Variants in DEPTOR observed in about 807,000 individuals in gnomAD.
The protein encoded by DEPTOR is DEP domain-containing mTOR-interacting protein.
A neutral mutation model predicts 41.6 loss-of-function variants in DEPTOR; 41 were observed. The observed-to-expected ratio is 0.98, with a 90% CI of 0.77 to 1.28. The LOEUF is 1.28. Among genes scored for constraint, DEPTOR ranks in the 50% most tolerant of loss-of-function variants. The probability of loss-of-function intolerance (pLI) is 0.00; values close to 1 mark genes in which losing one functional copy is unlikely to be tolerated. For synonymous variants in DEPTOR, 195 were observed against 192.3 expected (o/e 1.01, Z -0.12); for missense variants, 514 against 527.9 (o/e 0.97, Z 0.26).
At chr8:119,890,264 T>C (rs555740516) in intron 1 of DEPTOR, among the ~76,000 whole-genome samples, 168 of 142,660 alleles carry the variant, frequency 1.2e-3, no homozygotes, top group African/African-American at 4.2e-3. Flanking sequence ...AAGGTGTCCA[T>C]TGTTATATGA....
intron 5 of DEPTOR, among the ~76,000 whole-genome samples, chr8:120,001,943 G>A (rs921445799): frequency 2.0e-5 from 3 of 151,966 alleles, no homozygotes; most frequent in African/African-American, 7.3e-5. Context: ...AGTCCTCTAG[G>A]CTCTCACTCA....
intron 1 of DEPTOR, among the ~76,000 whole-genome samples, chr8:119,896,214 A>T (rs1827518311): frequency 6.6e-6 from 1 of 152,228 alleles, no homozygotes; most frequent in Admixed American, 6.5e-5. Context: ...TTATTTGAAC[A>T]GTATCATTTA....
chr8:119,915,943 G>GT (rs1439623638), intron 1 of DEPTOR, among the ~76,000 whole-genome samples: 10 of 60,980 alleles, frequency 1.6e-4, no homozygotes, highest in Non-Finnish European at 3.0e-4. Context: ...GACTTCATTT[G>GT]TTAAAAAAAA....
intron 1 of DEPTOR, among the ~76,000 whole-genome samples, chr8:119,901,574 G>A (rs994211833): frequency 6.6e-6 from 1 of 151,862 alleles, no homozygotes; most frequent in Non-Finnish European, 1.5e-5. Context: ...TACTTGGGAA[G>A]CTGAGGCAGG....
chr8:119,906,686 G>T (rs1827668209), intron 1 of DEPTOR, among the ~76,000 whole-genome samples: 1 of 152,008 alleles, frequency 6.6e-6, no homozygotes, highest in African/African-American at 2.4e-5. Context: ...TTTCCCTATT[G>T]CTGGACCATA....
intron 8 of DEPTOR, among the ~76,000 whole-genome samples, chr8:120,047,104 A>G (rs538936029): frequency 6.6e-5 from 10 of 152,008 alleles, no homozygotes; most frequent in Non-Finnish European, 1.3e-4. Context: ...GCCCACTGCA[A>G]CCTCTGCCTC....
chr8:119,960,231 A>G (rs1828472957), intron 3 of DEPTOR, among the ~76,000 whole-genome samples: 1 of 141,358 alleles, frequency 7.1e-6, no homozygotes, highest in Non-Finnish European at 1.6e-5. Flanking sequence ...CTCAAAAAAA[A>G]AAACAAAAAA....
chr8:119,885,774 A>T (rs1168177110), intron 1 of DEPTOR, among the ~76,000 whole-genome samples: 1 of 152,230 alleles, frequency 6.6e-6, no homozygotes, highest in South Asian at 2.1e-4. Context: ...TCCACCACTT[A>T]AGATTCCACA....
At chr8:119,934,414 G>A (rs935400345) in intron 3 of DEPTOR, among the ~76,000 whole-genome samples, 3 of 152,210 alleles carry the variant, frequency 2.0e-5, no homozygotes, top group Admixed American at 6.5e-5. Context: ...TGGAGGCATG[G>A]ATCGTCCTGC....
intron 1 of DEPTOR, among the ~76,000 whole-genome samples, chr8:119,927,726 A>G (rs1376034885): frequency 2.0e-5 from 3 of 151,930 alleles, no homozygotes; most frequent in South Asian, 2.1e-4. Context: ...CTCCTGCCTC[A>G]GCCTCTTGAG....
chr8:119,929,698 G>T, intron 2 of DEPTOR, 117 bp from the exon 3 acceptor site: 1 of 1,351,230 alleles, frequency 7.4e-7, no homozygotes, highest in African/African-American at 1.4e-5. Flanking sequence ...GTACATATTT[G>T]CATGCATGAA....
chr8:120,021,039 A>G (rs1812699816), intron 8 of DEPTOR, among the ~76,000 whole-genome samples: 2 of 148,266 alleles, frequency 1.3e-5, no homozygotes. Context: ...AGCCTGGGTG[A>G]CACAGCGAGA....
At chr8:119,951,732 A>G (rs1246768512) in intron 3 of DEPTOR, among the ~76,000 whole-genome samples, 1 of 152,214 alleles carries the variant, frequency 6.6e-6, no homozygotes, top group African/African-American at 2.4e-5. Context: ...CACCTAATGT[A>G]TACCTCCTCC....
At chr8:119,997,730 A>T (rs1812291848) in intron 4 of DEPTOR, among the ~76,000 whole-genome samples, 1 of 152,180 alleles carries the variant, frequency 6.6e-6, no homozygotes, top group Non-Finnish European at 1.5e-5. Flanking sequence ...TATTTATGTG[A>T]CCAGAATAAT....
At chr8:119,998,860 AT>A (rs1487630853) in intron 4 of DEPTOR, among the ~76,000 whole-genome samples, 23 of 150,986 alleles carry the variant, frequency 1.5e-4, no homozygotes, top group Non-Finnish European at 3.1e-4. Flanking sequence ...CAGATACTGT[AT>A]TATATTTCTA....
chr8:119,973,597 A>G (rs1422307594), intron 4 of DEPTOR, among the ~76,000 whole-genome samples: 1 of 152,160 alleles, frequency 6.6e-6, no homozygotes, highest in African/African-American at 2.4e-5. Context: ...CCATCCAGCT[A>G]TTTTAGCAGC....
chr8:119,919,729 T>C (rs186117974), intron 1 of DEPTOR, among the ~76,000 whole-genome samples: 50 of 152,320 alleles, frequency 3.3e-4, no homozygotes, highest in African/African-American at 1.1e-3. Flanking sequence ...AGGCTCACAC[T>C]GTCAGCCCCA....
chr8:119,965,260 C>T lies in DEPTOR; in HGVS notation c.454C>T (p.Gln152Ter). The part of the protein sequence containing the change: ...KLMSPENTLL[Q>*]PREEEGVKYE... ...GATGAGCCCTGAAAACACACTCCTG[C>T]AGCCCAGGGAGGAGGAAGGGGTCAA... The change falls in exon 4 of 9, where the codon CAG becomes TAG. Residue 152 changes from glutamine to a stop codon, truncating the protein, a stop_gained. Coordinates refer to ENST00000286234, the MANE Select transcript of DEPTOR (RefSeq NM_022783.4). LOFTEE classifies it high-confidence loss of function. 6.2e-7 allele frequency: 1 copy of T among 1,613,928 alleles called. No individual in the cohort carries two copies.
At chr8:119,986,699 C>T (rs1828834953) in intron 4 of DEPTOR, among the ~76,000 whole-genome samples, 1 of 151,940 alleles carries the variant, frequency 6.6e-6, no homozygotes. Flanking sequence ...CACATAGCCC[C>T]ATATTTCTTG....
Sources: gnomAD v4.1 joint callset for allele counts (sites outside exome capture counted in the v4.1 genomes callset) on GRCh38, gnomAD v4.1.1 for gene constraint, MANE v1.5 for transcripts, NCBI Gene and HGNC (gene_info 2026-07-23, HGNC 2026-07-21) for gene names.